LRR1: variants seen among roughly 807,000 people sequenced by gnomAD.
LRR1 encodes leucine rich repeat protein 1, also known as leucine-rich repeat protein 1.
Under a neutral mutation model 31.6 loss-of-function variants are expected in LRR1, and 29 were observed. That is an observed-to-expected ratio of 0.92 (90% CI 0.68 to 1.25). The LOEUF (loss-of-function observed/expected upper bound fraction) is 1.25. LRR1 is among the 50% of genes most tolerant of loss of function. The pLI, the probability that LRR1 is intolerant of heterozygous loss-of-function variation, is 0.00. For missense variants in LRR1, 485 were observed against 487.2 expected, an observed-to-expected ratio of 1.00 and a Z score of 0.04; for synonymous variants, 179 against 181.4, an observed-to-expected ratio of 0.99 and a Z score of 0.10.
chr14:49,613,945 T>C (rs970615794), intron 3 of LRR1, among the ~76,000 whole-genome samples: 35 of 152,338 alleles, frequency 2.3e-4, no homozygotes, highest in African/African-American at 7.5e-4. Flanking sequence ...CCAAGTGACA[T>C]GTATTTTAAA....
intron 2 of LRR1, 34 bp downstream of exon 2, chr14:49,602,502 G>T: frequency 1.3e-6 from 2 of 1,541,070 alleles, no homozygotes; most frequent in South Asian, 2.2e-5. Context: ...ATTAATATTT[G>T]GCTGTATTTT....
intron 3 of LRR1, among the ~76,000 whole-genome samples, chr14:49,611,901 G>A (rs1445749588): frequency 6.7e-6 from 1 of 150,176 alleles, no homozygotes; most frequent in Non-Finnish European, 1.5e-5. Flanking sequence ...TACAGCCTGG[G>A]CTGCAGAGTG....
At chr14:49,599,981 C>T (rs1184340263) in intron 1 of LRR1, 18 of 1,590,534 alleles carry the variant, frequency 1.1e-5, no homozygotes, top group Non-Finnish European at 1.5e-5. Context: ...GGAGGCCGGC[C>T]GGCAGCAGCA....
At chr14:49,600,147 G>C (rs1400422618) in intron 1 of LRR1, 1 of 1,528,392 alleles carries the variant, frequency 6.5e-7, no homozygotes, top group Non-Finnish European at 9.1e-7. Flanking sequence ...CAGCGTCACC[G>C]TGGGGGGCAA....
Position 49,608,073 on chromosome 14 carries a change from C to G in LRR1, c.956C>G (p.Ala319Gly). 1 of 1,605,804 alleles carries G rather than the reference C, an allele frequency of 6.2e-7. No homozygotes were observed. Among genetic ancestry groups the G allele is most frequent in the South Asian group, 1.1e-5 (1 of 90,092 alleles). ...PKVLPVIKLQ[A>G]PLTLLESSAR... ...GTCCTTCCAGTAATAAAGCTGCAAGCACCATTAACTTTATTGGAATCTTCT... is the reference window on the plus strand; with the variant it reads ...GTCCTTCCAGTAATAAAGCTGCAAGGACCATTAACTTTATTGGAATCTTCT... The change falls in exon 3 of 4, where the codon GCA becomes GGA. Residue 319 changes from alanine (A) to glycine (G), a missense_variant. By Grantham distance (60) the Ala-to-Gly change is moderately conservative. This residue lies in a region of LRR1 where 210 missense variants were observed against 200.4 expected (regional missense o/e 1.05). Transcript: ENST00000298288.
At position 49,614,550 on chromosome 14, in the gene LRR1, A is replaced by G. The variant is rs538097089; in HGVS notation, c.*54A>G. 8.4e-5 allele frequency: 135 copies of G among 1,609,234 alleles called. No individual in the cohort carries two copies. Among genetic ancestry groups the G allele is most frequent in the Middle Eastern group, 6.6e-4 (4 of 6,052 alleles). On this transcript the variant is annotated 3_prime_UTR_variant, in exon 4 of 4. Transcript: ENST00000298288. ...TAACAGATCAGTTTGGGGTGCATGT[A>G]TGATTTTGCAGCGTCAAATTGGAGT...
intron 3 of LRR1, chr14:49,612,515 C>T (rs1882549058): frequency 8.0e-7 from 1 of 1,253,660 alleles, no homozygotes; most frequent in South Asian, 1.3e-5. Context: ...GTGGGAGACA[C>T]TCCCTGGCAG....
At position 49,613,767 on chromosome 14, in the gene LRR1, C is replaced by T. The variant is rs150662626; in HGVS notation, c.1005-489C>T. ...GGAGGCAGAGATTGCAGTGAGAGCG[C>T]GCACCACTGCACTCTAGCCTGGGTG... On this transcript the variant is annotated intron_variant, in intron 3 of 3. Transcript: ENST00000298288. 4.9e-3 allele frequency among the ~76,000 whole-genome samples: 750 copies of T among 151,788 alleles called. 10 individuals are homozygous for T. Among genetic ancestry groups the T allele is most frequent in the African/African-American group, 0.017 (710 of 41,372 alleles).
chr14:49,602,054 AC>A (rs1482809702), intron 1 of LRR1, among the ~76,000 whole-genome samples: 2 of 150,690 alleles, frequency 1.3e-5, no homozygotes, highest in Non-Finnish European at 2.9e-5. Context: ...AATTGCTTGA[AC>A]CTGGGAAGTG....
intron 3 of LRR1, among the ~76,000 whole-genome samples, chr14:49,611,898 T>TGGGCTGCAGAGTG: frequency 6.8e-6 from 1 of 146,698 alleles, no homozygotes. Context: ...CACTACAGCC[T>TGGGCTGCAGAGTG]GGGCTGCAGA....
At position 49,607,549 on chromosome 14, in the gene LRR1, A is replaced by G; in HGVS notation, c.432A>G (p.Lys144=). ...CTAAAATGGTTATCACATCCAAAAA[A>G]GACTATCCTCTAAGTAAGAATTTTC... ...FKTKMVITSK[K]DYPLSKNFPY... Residue 144 remains lysine (K), a synonymous_variant, in exon 3 of 4, where the codon AAA becomes AAG. Transcript: ENST00000298288. 1 of 1,614,178 alleles carries G rather than the reference A, an allele frequency of 6.2e-7. No homozygotes were observed. The highest frequency in any genetic ancestry group is 8.5e-7 in the Non-Finnish European group (1 of 1,180,014).
At chr14:49,609,251 G>C (rs1315237402) in intron 3 of LRR1, among the ~76,000 whole-genome samples, 2 of 67,840 alleles carry the variant, frequency 2.9e-5, no homozygotes, top group African/African-American at 1.3e-4. Flanking sequence ...TTTGAGACAG[G>C]GTCTCACTCT....
intron 2 of LRR1, among the ~76,000 whole-genome samples, chr14:49,604,850 C>T (rs1448090490): frequency 2.0e-5 from 3 of 151,990 alleles, no homozygotes; most frequent in African/African-American, 7.2e-5. Context: ...CCCTATTCCT[C>T]TTTCCCTTCC....
At chr14:49,605,653 C>T (rs1335440704) in intron 2 of LRR1, among the ~76,000 whole-genome samples, 1 of 152,166 alleles carries the variant, frequency 6.6e-6, no homozygotes, top group Non-Finnish European at 1.5e-5. Context: ...TTCTTAGTCA[C>T]TTCTTTGTCT....
At chr14:49,603,933 C>T (rs954084777) in intron 2 of LRR1, among the ~76,000 whole-genome samples, 2 of 151,014 alleles carry the variant, frequency 1.3e-5, no homozygotes, top group Non-Finnish European at 2.9e-5. Context: ...CCTCGTGATC[C>T]GCCCACCTTG....
At chr14:49,609,217 CTT>C (rs746422046) in intron 3 of LRR1, among the ~76,000 whole-genome samples, 86 of 76,900 alleles carry the variant, frequency 1.1e-3, no homozygotes, top group African/African-American at 4.5e-3. Flanking sequence ...ACACCTGGCC[CTT>C]TTTTTTTTTT....
chr14:49,600,548 A>G, intron 1 of LRR1: 1 of 1,578,592 alleles, frequency 6.3e-7, no homozygotes, highest in Non-Finnish European at 8.7e-7. Context: ...TTTTAACTCC[A>G]AAGAAACACA....
chr14:49,601,727 G>C (rs1189735785), intron 1 of LRR1: 3 of 1,269,906 alleles, frequency 2.4e-6, no homozygotes, highest in African/African-American at 3.1e-5. Context: ...CTCAAAACAT[G>C]GTGATCCTGT....
intron 1 of LRR1, among the ~76,000 whole-genome samples, chr14:49,601,886 A>G (rs1159908072): frequency 1.3e-5 from 2 of 151,476 alleles, no homozygotes; most frequent in African/African-American, 4.9e-5. Flanking sequence ...TAATCCCAGC[A>G]CTTTGGTAGG....
Sources: allele counts gnomAD v4.1 joint callset (sites outside exome capture counted in the v4.1 genomes callset), GRCh38; gene constraint gnomAD v4.1.1; regional missense constraint gnomAD v4.1.1; transcripts MANE v1.5; gene names NCBI Gene and HGNC (gene_info 2026-07-23, HGNC 2026-07-21).